Variants in SLC39A10 observed in about 807,000 individuals in gnomAD.
SLC39A10 encodes zinc transporter ZIP10.
In SLC39A10, 13 loss-of-function variants were observed where a neutral mutation model predicts 65.1. The observed-to-expected ratio is 0.20, with a 90% CI of 0.13 to 0.32. SLC39A10 has a LOEUF of 0.32. Among genes scored for constraint, SLC39A10 ranks in the 10% least tolerant of loss-of-function variants. The probability of loss-of-function intolerance (pLI) is 1.00; values close to 1 mark genes in which losing one functional copy is unlikely to be tolerated. For missense variants in SLC39A10, 831 were observed against 1,018.4 expected (o/e 0.82, Z 2.50); for synonymous variants, 321 against 342.2 (o/e 0.94, Z 0.68).
At chr2:195,730,624 A>G (rs1052775539) in intron 9 of SLC39A10, among the ~76,000 whole-genome samples, 1 of 152,142 alleles carries the variant, frequency 6.6e-6, no homozygotes, top group Non-Finnish European at 1.5e-5. Context: ...GATGTAAGTA[A>G]TTTCATCTAG....
At chr2:195,731,419 G>GT (rs1249022811) in intron 9 of SLC39A10, among the ~76,000 whole-genome samples, 3 of 151,986 alleles carry the variant, frequency 2.0e-5, no homozygotes, top group Non-Finnish European at 4.4e-5. Context: ...TTTCTCCTTT[G>GT]TACGTGTATC....
chr2:195,677,502 CTA>C (rs1559028905), intron 1 of SLC39A10, among the ~76,000 whole-genome samples: 9 of 152,038 alleles, frequency 5.9e-5, no homozygotes, highest in Non-Finnish European at 1.0e-4. Flanking sequence ...CCACTGTACT[CTA>C]GCCTGGGTGT....
intron 2 of SLC39A10, among the ~76,000 whole-genome samples, chr2:195,631,187 AATATATCT>A (rs948854077): frequency 4.6e-5 from 7 of 151,986 alleles, no homozygotes; most frequent in South Asian, 2.1e-4. Flanking sequence ...CTCTGTCTTA[AATATATCT>A]ATATATCTAT....
At chr2:195,727,769 T>C (rs1418645924) in intron 8 of SLC39A10, among the ~76,000 whole-genome samples, 1 of 152,132 alleles carries the variant, frequency 6.6e-6, no homozygotes, top group Non-Finnish European at 1.5e-5. Flanking sequence ...TTAACATATA[T>C]ATAGATTTCT....
chr2:195,715,098 T>A (rs1364617154), intron 6 of SLC39A10, among the ~76,000 whole-genome samples: 1 of 152,194 alleles, frequency 6.6e-6, no homozygotes, highest in Non-Finnish European at 1.5e-5. Context: ...GTGATTATAT[T>A]TTAATTAAAA....
intron 2 of SLC39A10, among the ~76,000 whole-genome samples, chr2:195,681,298 G>A (rs1008015855): frequency 2.0e-5 from 3 of 152,132 alleles, no homozygotes; most frequent in African/African-American, 7.2e-5. Flanking sequence ...AGGCCGAGGC[G>A]GGTAGATCAT....
intron 8 of SLC39A10, among the ~76,000 whole-genome samples, chr2:195,723,794 T>C (rs1275578498): frequency 1.3e-5 from 2 of 152,124 alleles, no homozygotes; most frequent in African/African-American, 4.8e-5. Context: ...AACTTACCTA[T>C]TGGGTACTGG....
rs534956819 is a variant in SLC39A10, at chr2:195,680,771, T to C, written c.729T>C (p.Asn243=). The C allele has an allele frequency of 6.2e-7, 1 of 1,613,998 alleles. No individual in the cohort carries two copies. The highest frequency in any genetic ancestry group is 2.2e-5 in the East Asian group (1 of 44,866). Reference sequence around the variant, plus strand: ...AAAAAGGGAGGAAAAGTAATGAAAATTCTGAGGTTATTACACCAGGTTTTC... The same window carrying C: ...AAAAAGGGAGGAAAAGTAATGAAAACTCTGAGGTTATTACACCAGGTTTTC... ...RKKKGRKSNE[N]SEVITPGFPP... Residue 243 remains asparagine, a synonymous_variant, in exon 2 of 10, where the codon AAT becomes AAC. Coordinates refer to ENST00000359634, the MANE Select transcript of SLC39A10 (RefSeq NM_020342.3).
chr2:195,733,145 C>T (rs367592565), intron 9 of SLC39A10, among the ~76,000 whole-genome samples: 6 of 152,194 alleles, frequency 3.9e-5, no homozygotes, highest in African/African-American at 1.4e-4. Flanking sequence ...TCTTCCTAGA[C>T]AGGAAGAAGT....
chr2:195,647,085 C>T (rs1046145512), intron 2 of SLC39A10, among the ~76,000 whole-genome samples: 1 of 152,054 alleles, frequency 6.6e-6, no homozygotes, highest in Non-Finnish European at 1.5e-5. Context: ...TTAAATCGGG[C>T]CCATTTGGAT....
rs199609985 is a variant in SLC39A10 at position 195,645,638 on chromosome 2, CTA to C, written c.-11-34391_-11-34390del. ...TAACCTCTATTCTACTTTCTTGTCTCTATAAATTTTCCTATTCTAAATACCTC... is the reference window on the plus strand; with the variant it reads ...TAACCTCTATTCTACTTTCTTGTCTCTAAATTTTCCTATTCTAAATACCTC... On this transcript the variant is annotated intron_variant, in intron 2 of 2. Transcript: ENST00000458054. Among the ~76,000 whole-genome samples the C allele has an allele frequency of 4.4e-3, 675 of 152,244 alleles. 7 individuals are homozygous for C. The highest frequency in any genetic ancestry group is 0.016 in the African/African-American group (644 of 41,546).
intron 8 of SLC39A10, among the ~76,000 whole-genome samples, chr2:195,725,805 C>T (rs942930913): frequency 2.0e-5 from 3 of 152,068 alleles, no homozygotes; most frequent in Non-Finnish European, 2.9e-5. Flanking sequence ...CACAGTAACA[C>T]GAATGAGTCT....
intron 6 of SLC39A10, among the ~76,000 whole-genome samples, chr2:195,716,335 T>C (rs1239035333): frequency 6.6e-6 from 1 of 152,182 alleles, no homozygotes; most frequent in African/African-American, 2.4e-5. Context: ...CTCCTCACTT[T>C]GCCTGCTTTT....
At chr2:195,699,454 A>G (rs1691096196) in intron 3 of SLC39A10, among the ~76,000 whole-genome samples, 1 of 151,924 alleles carries the variant, frequency 6.6e-6, no homozygotes, top group Non-Finnish European at 1.5e-5. Context: ...GCACTAGTTT[A>G]GATGTATCCC....
At chr2:195,631,725 A>G (rs548965532) in intron 2 of SLC39A10, among the ~76,000 whole-genome samples, 1 of 152,300 alleles carries the variant, frequency 6.6e-6, no homozygotes, top group South Asian at 2.1e-4. Flanking sequence ...TTTATGATGT[A>G]GGGTGAAAAT....
chr2:195,626,073 T>C (rs965997235), intron 2 of SLC39A10, among the ~76,000 whole-genome samples: 2 of 152,206 alleles, frequency 1.3e-5, no homozygotes, highest in African/African-American at 4.8e-5. Flanking sequence ...AGTGAGCCAC[T>C]GTGCCTGGCC....
At chr2:195,688,967 T>C (rs1690625678) in intron 3 of SLC39A10, among the ~76,000 whole-genome samples, 1 of 152,232 alleles carries the variant, frequency 6.6e-6, no homozygotes, top group African/African-American at 2.4e-5. Context: ...CTTCCTACTT[T>C]CATGTTTAAT....
At chr2:195,644,211 G>A (rs1688864522) in intron 2 of SLC39A10, among the ~76,000 whole-genome samples, 1 of 149,742 alleles carries the variant, frequency 6.7e-6, no homozygotes, top group Non-Finnish European at 1.5e-5. Flanking sequence ...CAATTAATTT[G>A]AAAATCTGGG....
intron 3 of SLC39A10, among the ~76,000 whole-genome samples, chr2:195,695,552 G>A (rs140920044): frequency 6.6e-6 from 1 of 152,304 alleles, no homozygotes; most frequent in Non-Finnish European, 1.5e-5. Flanking sequence ...AAAGCAAGTG[G>A]ACTCACAGTT....
Sources: allele counts gnomAD v4.1 joint callset (sites outside exome capture counted in the v4.1 genomes callset), GRCh38; gene constraint gnomAD v4.1.1; transcripts MANE v1.5; gene names NCBI Gene and HGNC (gene_info 2026-07-23, HGNC 2026-07-21).